NAPEPLD: variants seen among roughly 807,000 people sequenced by gnomAD.
The protein encoded by NAPEPLD is N-acyl phosphatidylethanolamine phospholipase D.
Under a neutral mutation model 38.1 loss-of-function variants are expected in NAPEPLD, and 23 were observed. The observed-to-expected ratio is 0.60, with a 90% CI of 0.43 to 0.86. The LOEUF is 0.86. Ranked by LOEUF, NAPEPLD falls within the 40% of genes least tolerant of loss-of-function variation. The probability of loss-of-function intolerance (pLI) is 0.00; values close to 1 mark genes in which losing one functional copy is unlikely to be tolerated. For synonymous variants in NAPEPLD, 147 were observed against 162.0 expected, an observed-to-expected ratio of 0.91 and a Z score of 0.71; for missense variants, 411 against 476.8, an observed-to-expected ratio of 0.86 and a Z score of 1.28.
At chr7:103,105,958 G>T (rs1218676080) in intron 4 of NAPEPLD, among the ~76,000 whole-genome samples, 5 of 134,686 alleles carry the variant, frequency 3.7e-5, no homozygotes, top group Admixed American at 7.4e-5. Context: ...AAAAAAAAAA[G>T]GCTGAAGAGG....
chr7:103,123,867 A>C (rs73192058), intron 2 of NAPEPLD, among the ~76,000 whole-genome samples: 2,068 of 152,358 alleles, frequency 0.014, 23 homozygotes, highest in Non-Finnish European at 0.022. Context: ...TTTCAAAAGG[A>C]CACAAGGAAA....
intron 4 of NAPEPLD, 105 bp downstream of exon 4, chr7:103,114,955 A>G (rs1434105259): frequency 2.7e-6 from 2 of 753,976 alleles, no homozygotes; most frequent in Middle Eastern, 2.4e-4. Flanking sequence ...ATGACTGTGC[A>G]GTATCTGATT....
chr7:103,141,673 C>A, intron 1 of NAPEPLD: 1 of 905,392 alleles, frequency 1.1e-6, no homozygotes, highest in South Asian at 1.3e-5. Flanking sequence ...CCTTCTCTGG[C>A]ATTCGGGCAT....
rs935269522 is a variant in NAPEPLD at position 103,149,062 on chromosome 7, C to T, written c.-268G>A. ...AACCCACTCTCAGCCCGCTCCACTTCGCCGAAGAATTCCAAACCACCCCAG... is the reference window on the plus strand; with the variant it reads ...AACCCACTCTCAGCCCGCTCCACTTTGCCGAAGAATTCCAAACCACCCCAG... On this transcript the variant is annotated 5_prime_UTR_variant, in exon 1 of 5. Transcript: ENST00000465647. 1 of 985,346 alleles carries T rather than the reference C, an allele frequency of 1.0e-6. No homozygotes were observed. The highest frequency in any genetic ancestry group is 1.7e-5 in the African/African-American group (1 of 57,224). The allele number at this position is 985,346 out of a possible 1,614,324, so 61.0% of individuals were successfully genotyped here. A position where few individuals can be genotyped will look rare whatever the true frequency, so the allele number is the denominator to read the frequency against.
intron 1 of NAPEPLD, among the ~76,000 whole-genome samples, chr7:103,133,384 G>A (rs1171772308): frequency 6.6e-6 from 1 of 152,248 alleles, no homozygotes; most frequent in Non-Finnish European, 1.5e-5. Context: ...GGGCAAGAAG[G>A]AGCAGAAGCA....
intron 3 of NAPEPLD, among the ~76,000 whole-genome samples, chr7:103,118,406 T>C (rs1339387860): frequency 2.6e-5 from 4 of 152,080 alleles, no homozygotes; most frequent in African/African-American, 7.2e-5. Flanking sequence ...GGTAAAAATA[T>C]CTAGCCCCTC....
chr7:103,105,760 C>G (rs905551519), intron 4 of NAPEPLD, among the ~76,000 whole-genome samples: 1 of 152,204 alleles, frequency 6.6e-6, no homozygotes, highest in African/African-American at 2.4e-5. Flanking sequence ...TGGCAAAACC[C>G]TGTCTCTACT....
intron 1 of NAPEPLD, among the ~76,000 whole-genome samples, chr7:103,142,350 A>G (rs1436701662): frequency 6.6e-6 from 1 of 152,120 alleles, no homozygotes; most frequent in Non-Finnish European, 1.5e-5. Context: ...TCATGCCTGT[A>G]ATCCCAGCAT....
chr7:103,140,611 T>C (rs936918014), intron 1 of NAPEPLD, among the ~76,000 whole-genome samples: 19 of 151,960 alleles, frequency 1.3e-4, no homozygotes, highest in African/African-American at 2.9e-4. Flanking sequence ...GCCAGGACGG[T>C]CTCAATCTCC....
chr7:103,132,658 C>G (rs1324474923), intron 1 of NAPEPLD, among the ~76,000 whole-genome samples: 1 of 152,004 alleles, frequency 6.6e-6, no homozygotes, highest in Non-Finnish European at 1.5e-5. Flanking sequence ...AATTAGCCCA[C>G]TGTGGTGTTG....
At position 103,101,651 on chromosome 7, in the gene NAPEPLD, CG is replaced by C. The variant is rs1802415354; in HGVS notation, c.*1777del. 6.6e-6 allele frequency: 1 copy of C among 152,490 alleles called. No individual in the cohort carries two copies. Among genetic ancestry groups the C allele is most frequent in the Non-Finnish European group, 1.5e-5 (1 of 68,014 alleles). 9.4% of individuals were successfully genotyped at this position (152,490 alleles called of 1,614,324 possible). On this transcript the variant is annotated 3_prime_UTR_variant, in exon 5 of 5. Transcript: ENST00000465647. ...ATCTACACATTTTTCAGAGGTAGGT[CG>C]GAATTATCCTCTTGTTGCAAATGAG...
intron 1 of NAPEPLD, among the ~76,000 whole-genome samples, chr7:103,133,186 G>A (rs538192342): frequency 6.6e-6 from 1 of 152,232 alleles, no homozygotes; most frequent in Non-Finnish European, 1.5e-5. Context: ...CCATAAACAC[G>A]GCCTGAAACT....
At chr7:103,129,368 C>T in intron 1 of NAPEPLD, 1 of 975,220 alleles carries the variant, frequency 1.0e-6, no homozygotes, top group Non-Finnish European at 1.2e-6. Context: ...AGCATGTAAG[C>T]ATATTAAATT....
At chr7:103,148,454 GA>G (rs767589521) in intron 1 of NAPEPLD, among the ~76,000 whole-genome samples, 8,367 of 108,480 alleles carry the variant, frequency 0.077, 382 homozygotes, top group African/African-American at 0.16. Flanking sequence ...GCTCTAGCTT[GA>G]AAAAAAAAAA....
chr7:103,120,092 G>A lies in NAPEPLD; in HGVS notation c.426C>T (p.Leu142=), dbSNP rs754428687. ...TAAAGATGGGATCCGTGAGAAATAT[G>A]AGCTCATCCATTTCCACCATTACCG... is the stretch of plus-strand genomic sequence containing the variant. ...HATVMVEMDE[L]IFLTDPIFSS... Residue 142 remains leucine (L), a synonymous_variant, in exon 3 of 5, where the codon CTC becomes CTT. Coordinates refer to ENST00000465647, the MANE Select transcript of NAPEPLD (RefSeq NM_001122838.3). The A allele has an allele frequency of 1.9e-6, 3 of 1,614,158 alleles. No individual in the cohort carries two copies. Among genetic ancestry groups the A allele is most frequent in the South Asian group, 1.1e-5 (1 of 91,084 alleles).
chr7:103,114,941 T>C, intron 4 of NAPEPLD, 119 bp downstream of exon 4: 1 of 683,222 alleles, frequency 1.5e-6, no homozygotes, highest in Admixed American at 2.6e-5. Flanking sequence ...ATGCAGTGAC[T>C]GTGATGACTG....
intron 2 of NAPEPLD, among the ~76,000 whole-genome samples, chr7:103,125,156 C>G (rs1193915293): frequency 1.3e-5 from 2 of 152,182 alleles, no homozygotes; most frequent in African/African-American, 4.8e-5. Context: ...ATACTGTAAT[C>G]TGCAACTCAG....
chr7:103,120,708 T>TTTC (rs1806493195), intron 2 of NAPEPLD, among the ~76,000 whole-genome samples: 1 of 108,152 alleles, frequency 9.2e-6, no homozygotes, highest in Non-Finnish European at 1.7e-5. Context: ...TTTCTTTTTT[T>TTTC]TTTTTTTTTT....
chr7:103,116,283 G>C (rs1805559412), intron 3 of NAPEPLD, among the ~76,000 whole-genome samples: 1 of 152,076 alleles, frequency 6.6e-6, no homozygotes, highest in Non-Finnish European at 1.5e-5. Context: ...GGATGGTACT[G>C]ATCTCCTGAC....
Sources: allele counts gnomAD v4.1 joint callset (sites outside exome capture counted in the v4.1 genomes callset), GRCh38; gene constraint gnomAD v4.1.1; transcripts MANE v1.5; gene names NCBI Gene and HGNC (gene_info 2026-07-23, HGNC 2026-07-21).